CYP11B2: variants seen among roughly 807,000 people sequenced by gnomAD.
CYP11B2 encodes cytochrome P450 11B2, mitochondrial.
CYP11B2 carries 38 observed loss-of-function variants against 49.3 expected under a neutral mutation model. The observed-to-expected ratio is 0.77, with a 90% CI of 0.59 to 1.01. The LOEUF is 1.01. Ranked by LOEUF, CYP11B2 falls within the 50% of genes least tolerant of loss-of-function variation. The pLI, the probability that CYP11B2 is intolerant of heterozygous loss-of-function variation, is 0.00. For synonymous variants in CYP11B2, 290 were observed against 269.3 expected (o/e 1.08, Z -0.75); for missense variants, 669 against 655.5 (o/e 1.02, Z -0.23).
At position 142,912,933 on chromosome 8, in the gene CYP11B2, T is replaced by C. The variant is rs6397; in HGVS notation, c.1122-48A>G. ...AAAGGGTCCTCAGCTGGATGGGGCT[T>C]CCTGTGCTCTCTGCACCCTTCCTAC... On this transcript the variant is annotated intron_variant, in intron 6 of 8. Coordinates refer to ENST00000323110, the MANE Select transcript of CYP11B2 (RefSeq NM_000498.3). The C allele has an allele frequency of 0.48, 712,184 of 1,477,708 alleles. 151,173 individuals are homozygous for C. The highest frequency in any genetic ancestry group is 0.76 in the East Asian group (32,337 of 42,778). 91.5% of individuals were successfully genotyped at this position (1,477,708 alleles called of 1,614,324 possible).
At position 142,917,718 on chromosome 8, in the gene CYP11B2, C is replaced by T; in HGVS notation, c.123G>A (p.Met41Ile). 3.1e-6 allele frequency: 5 copies of T among 1,614,248 alleles called. No homozygotes were observed. The highest frequency in any genetic ancestry group is 4.2e-6 in the Non-Finnish European group (5 of 1,180,046). ...APRTVLPFEA[M>I]PQHPGNRWLR... ...GCCACCTGTTGCCTGGATGCTGGGGCATGGCTTCAAACGGCAGCACCGTCC... is the reference window on the plus strand; with the variant it reads ...GCCACCTGTTGCCTGGATGCTGGGGTATGGCTTCAAACGGCAGCACCGTCC... The change falls in exon 1 of 9, where the codon ATG becomes ATA. Residue 41 changes from methionine to isoleucine, a missense_variant. By Grantham distance (10) the Met-to-Ile change is conservative. Coordinates refer to ENST00000323110, the MANE Select transcript of CYP11B2 (RefSeq NM_000498.3).
Position 142,914,698 on chromosome 8 carries a change from G to A in CYP11B2, c.799+7C>T. On this transcript the variant is annotated splice_region_variant and intron_variant, in intron 4 of 8. Coordinates refer to ENST00000323110, the MANE Select transcript of CYP11B2 (RefSeq NM_000498.3). ...CCCCATAGCACTGCCCGGGTCCCTG[G>A]CCTCACCGTACTGGAAGATGCAGTC... 1 of 1,596,612 alleles carries A rather than the reference G, an allele frequency of 6.3e-7. No homozygotes were observed. Among genetic ancestry groups the A allele is most frequent in the Non-Finnish European group, 8.5e-7 (1 of 1,172,176 alleles).
At chr8:142,916,258 A>G (rs1050273228) in intron 2 of CYP11B2, among the ~76,000 whole-genome samples, 9 of 152,206 alleles carry the variant, frequency 5.9e-5, no homozygotes, top group South Asian at 2.1e-4. Context: ...GATGTCATCT[A>G]TAGGCCAGCC....
intron 5 of CYP11B2, 21 bp from the exon 6 acceptor site, chr8:142,913,472 G>C: frequency 6.2e-7 from 1 of 1,614,014 alleles, no homozygotes; most frequent in Admixed American, 1.7e-5. Flanking sequence ...CATGTCTGCA[G>C]GGTCAGACCT....
chr8:142,914,775 G>A lies in CYP11B2; in HGVS notation c.729C>T (p.Ser243=), dbSNP rs1311691186. The A allele has an allele frequency of 1.5e-5, 24 of 1,613,554 alleles. No homozygotes were observed. The highest frequency in any genetic ancestry group is 2.7e-5 in the African/African-American group (2 of 74,636). Residue 243 remains serine, a synonymous_variant, in exon 4 of 9, where the codon AGC becomes AGT. Coordinates refer to ENST00000323110, the MANE Select transcript of CYP11B2 (RefSeq NM_000498.3). ...CCTTGGGGCTGATCCAGCGAGACAG[G>A]CTCCTGGGCATGAACATGAGCTGGA... is the stretch of plus-strand genomic sequence containing the variant. ...STVQLMFMPR[S]LSRWISPKVW... is the part of the protein sequence containing the mutation.
rs140607604 is a variant in CYP11B2, at chr8:142,912,530, G to A, written c.1398C>T (p.His466=). ...CGCCCCCGCCCCCAGGCCTGCTTAC[G>A]TGGTGCAGCAGCAGCAGCATCTCTG... ...AEAEMLLLLH[H]VLKHFLVETL... is the part of the protein sequence containing the mutation. Residue 466 remains histidine (H), a splice_region_variant and synonymous_variant, in exon 8 of 9, where the codon CAC becomes CAT. Coordinates refer to ENST00000323110, the MANE Select transcript of CYP11B2 (RefSeq NM_000498.3). 7.1e-5 allele frequency: 114 copies of A among 1,609,708 alleles called. No homozygotes were observed. Among genetic ancestry groups the A allele is most frequent in the East Asian group, 4.5e-4 (20 of 44,820 alleles).
intron 6 of CYP11B2, 95 bp from the exon 7 acceptor site, chr8:142,912,980 A>G: frequency 1.5e-6 from 2 of 1,303,710 alleles, no homozygotes; most frequent in Non-Finnish European, 2.2e-6. Flanking sequence ...CAGAGGTCCC[A>G]GATCCATGGG....
intron 5 of CYP11B2, 110 bp from the exon 6 acceptor site, chr8:142,913,561 G>GGA: frequency 8.6e-7 from 1 of 1,160,140 alleles, no homozygotes; most frequent in Non-Finnish European, 1.2e-6. Context: ...CATGCCCTGA[G>GGA]CAAAAACAGA....
At position 142,915,182 on chromosome 8, in the gene CYP11B2, G is replaced by A. The variant is rs368015492; in HGVS notation, c.459C>T (p.Ala153=). The A allele has an allele frequency of 3.0e-5, 48 of 1,614,040 alleles. No individual in the cohort carries two copies. The highest frequency in any genetic ancestry group is 2.0e-4 in the East Asian group (9 of 44,868). Residue 153 remains alanine (A), a synonymous_variant, in exon 3 of 9, where the codon GCC becomes GCT. Coordinates refer to ENST00000323110, the MANE Select transcript of CYP11B2 (RefSeq NM_000498.3). ...RLNPDVLSPK[A]VQRFLPMVDA... ...CCACCATCGGGAGGAACCTCTGCAC[G>A]GCCTTGGGCGACAGCACATCTGGGT... is the stretch of plus-strand genomic sequence containing the variant.
In CYP11B2 at chr8:142,914,760, G is replaced by A. The variant is rs767156787; in HGVS notation, c.744C>T (p.Ile248=). The change falls in exon 4 of 9, where the codon ATC becomes ATT. Residue 248 remains isoleucine, a synonymous_variant. Coordinates refer to ENST00000323110, the MANE Select transcript of CYP11B2 (RefSeq NM_000498.3). ...MFMPRSLSRW[I]SPKVWKEHFE... ...AGTGCTCCTTCCACACCTTGGGGCT[G>A]ATCCAGCGAGACAGGCTCCTGGGCA... is the stretch of plus-strand genomic sequence containing the variant. The A allele has an allele frequency of 2.5e-6, 4 of 1,613,460 alleles. No homozygotes were observed. Among genetic ancestry groups the A allele is most frequent in the Non-Finnish European group, 3.4e-6 (4 of 1,179,938 alleles).
At chr8:142,914,486 T>C in intron 4 of CYP11B2, 68 bp from the exon 5 acceptor site, 3 of 1,487,210 alleles carry the variant, frequency 2.0e-6, no homozygotes, top group Non-Finnish European at 2.8e-6. Context: ...GTCCTCCTCC[T>C]GCCCAGACTG....
chr8:142,914,048 A>G (rs1325130671), intron 5 of CYP11B2: 2 of 675,338 alleles, frequency 3.0e-6, no homozygotes, highest in Non-Finnish European at 2.7e-6. Context: ...CCACACAGGT[A>G]ACTGCAAACT....
At position 142,912,863 on chromosome 8, in the gene CYP11B2, A is replaced by C. The variant is rs61757295; in HGVS notation, c.1144T>G (p.Leu382Val). The change falls in exon 7 of 9, where the codon TTG becomes GTG. Residue 382 changes from leucine to valine, a missense_variant. Transcript: ENST00000323110. ...AAGTCTGAGCTCACCACTCGCTCCA[A>C]AAACAGACCCACAGGGTAGAGCCTG... The part of the protein sequence containing the change: ...TLRLYPVGLF[L>V]ERVVSSDLVL... 2 of 1,599,222 alleles carry C rather than the reference A, an allele frequency of 1.3e-6. No individual in the cohort carries two copies. Among genetic ancestry groups the C allele is most frequent in the Middle Eastern group, 1.7e-4 (1 of 5,800 alleles).
intron 1 of CYP11B2, 55 bp downstream of exon 1, chr8:142,917,547 G>A: frequency 6.2e-7 from 1 of 1,613,710 alleles, no homozygotes; most frequent in South Asian, 1.1e-5. Context: ...GCAGGGTCCT[G>A]GGCAGCAGGG....
Position 142,914,436 on chromosome 8 carries a change from G to A in CYP11B2, c.800-18C>T. On this transcript the variant is annotated intron_variant, in intron 4 of 8. Transcript: ENST00000323110. ...GTTGTCACCTGTCCAGGGAGCAGGG[G>A]ACAGCCCTCAGATCTTGGTGCTGGG... 6.2e-7 allele frequency: 1 copy of A among 1,605,866 alleles called. No homozygotes were observed. Among genetic ancestry groups the A allele is most frequent in the South Asian group, 1.1e-5 (1 of 89,864 alleles).
At chr8:142,916,201 G>A (rs139662069) in intron 2 of CYP11B2, among the ~76,000 whole-genome samples, 1 of 151,960 alleles carries the variant, frequency 6.6e-6, no homozygotes, top group African/African-American at 2.4e-5. Flanking sequence ...TCCATTATGC[G>A]CACCCAGCCT....
At chr8:142,917,579 G>A (rs1332562587) in intron 1 of CYP11B2, 23 bp downstream of exon 1, 2 of 1,614,120 alleles carry the variant, frequency 1.2e-6, no homozygotes, top group South Asian at 1.1e-5. Flanking sequence ...GGTGTTCCCA[G>A]CGAGGGCCAG....
Position 142,914,790 on chromosome 8 carries a change from C to A in CYP11B2, c.714G>T (p.Met238Ile), listed in dbSNP as rs772510525. The change falls in exon 4 of 9, where the codon ATG becomes ATT. Residue 238 changes from methionine (M) to isoleucine (I), a missense_variant. Coordinates refer to ENST00000323110, the MANE Select transcript of CYP11B2 (RefSeq NM_000498.3). ...AGCGAGACAGGCTCCTGGGCATGAA[C>A]ATGAGCTGGACGGTGGATTTGAACA... ...EVMFKSTVQL[M>I]FMPRSLSRWI... The A allele has an allele frequency of 1.2e-6, 2 of 1,613,686 alleles. No homozygotes were observed. Among genetic ancestry groups the A allele is most frequent in the Non-Finnish European group, 1.7e-6 (2 of 1,179,994 alleles).
In CYP11B2 at chr8:142,910,897, G is replaced by T. The variant is rs1214069311; in HGVS notation, c.*1083C>A. On this transcript the variant is annotated 3_prime_UTR_variant, in exon 9 of 9. Coordinates refer to ENST00000323110, the MANE Select transcript of CYP11B2 (RefSeq NM_000498.3). This position sits in a 1 kb window ranked among gnomAD's most constrained non-coding sequence, Gnocchi z 4.6. Reference sequence around the variant, plus strand: ...CTTTGCCCTAATGAAAATCCCAGGAGATAAAGATGATGTGGCTGGGCACGT... The same window carrying T: ...CTTTGCCCTAATGAAAATCCCAGGATATAAAGATGATGTGGCTGGGCACGT... 6.6e-6 allele frequency: 1 copy of T among 152,238 alleles called. No homozygotes were observed. Among genetic ancestry groups the T allele is most frequent in the African/African-American group, 2.4e-5 (1 of 41,428 alleles). 9.4% of individuals were successfully genotyped at this position (152,238 alleles called of 1,614,324 possible). A position where few individuals can be genotyped will look rare whatever the true frequency, so the allele number is the denominator to read the frequency against.
Sources: allele counts gnomAD v4.1 joint callset (sites outside exome capture counted in the v4.1 genomes callset), GRCh38; gene constraint gnomAD v4.1.1; non-coding constraint Gnocchi (gnomAD v3.1); transcripts MANE v1.5; gene names NCBI Gene and HGNC (gene_info 2026-07-23, HGNC 2026-07-21).